The following OSBPL8 variants were observed in gnomAD, a reference collection of about 807,000 sequenced individuals.
OSBPL8 encodes oxysterol binding protein like 8.
OSBPL8 carries 59 observed loss-of-function variants against 125.5 expected under a neutral mutation model. The ratio of observed to expected loss-of-function variants is 0.47; its 90% CI spans 0.38 to 0.58. The LOEUF (loss-of-function observed/expected upper bound fraction) is 0.58, where lower values mean the gene tolerates loss of function less well. Among genes scored for constraint, OSBPL8 ranks in the 20% least tolerant of loss-of-function variants. OSBPL8 has a pLI of 0.00. For synonymous variants in OSBPL8, 330 were observed against 338.9 expected, an observed-to-expected ratio of 0.97 and a Z score of 0.29; for missense variants, 758 against 1,047.8, an observed-to-expected ratio of 0.72 and a Z score of 3.82.
At chr12:76,424,780 C>T (rs1361198341) in intron 4 of OSBPL8, among the ~76,000 whole-genome samples, 2 of 152,040 alleles carry the variant, frequency 1.3e-5, no homozygotes, top group Non-Finnish European at 2.9e-5. Flanking sequence ...AATGAAGATA[C>T]TGAACAAATG....
intron 1 of OSBPL8, among the ~76,000 whole-genome samples, chr12:76,514,841 TG>T (rs1324786058): frequency 6.6e-6 from 1 of 152,216 alleles, no homozygotes; most frequent in Non-Finnish European, 1.5e-5. Flanking sequence ...TCGAAGCTTT[TG>T]TTCATTCCTT....
chr12:76,552,354 A>G (rs1565993256), intron 1 of OSBPL8, among the ~76,000 whole-genome samples: 1 of 139,272 alleles, frequency 7.2e-6, no homozygotes, highest in South Asian at 2.4e-4. Flanking sequence ...TGAGCCCAGG[A>G]GGCGAAGGTT....
At chr12:76,492,820 T>C (rs1878863071) in intron 1 of OSBPL8, among the ~76,000 whole-genome samples, 1 of 152,094 alleles carries the variant, frequency 6.6e-6, no homozygotes, top group Non-Finnish European at 1.5e-5. Context: ...TAAGTGTAAA[T>C]GAGCTTGAAT....
intron 1 of OSBPL8, among the ~76,000 whole-genome samples, chr12:76,533,143 A>G (rs1187257956): frequency 6.6e-6 from 1 of 152,218 alleles, no homozygotes; most frequent in Non-Finnish European, 1.5e-5. Flanking sequence ...AACATTTTAA[A>G]ACACCATATA....
intron 1 of OSBPL8, among the ~76,000 whole-genome samples, chr12:76,506,576 T>C (rs1356474405): frequency 6.6e-6 from 1 of 152,156 alleles, no homozygotes; most frequent in East Asian, 1.9e-4. Context: ...TATATATCTA[T>C]GTAAAAAGAG....
intron 5 of OSBPL8, among the ~76,000 whole-genome samples, chr12:76,405,116 A>G (rs7131842): frequency 0.01 from 1,591 of 152,256 alleles, 36 homozygotes; most frequent in African/African-American, 0.037. Context: ...CTTACCTTTT[A>G]AAACTGTTCA....
chr12:76,477,344 A>G lies in OSBPL8; in HGVS notation c.42+10166T>C, dbSNP rs1398213427. 5.3e-5 allele frequency among the ~76,000 whole-genome samples: 8 copies of G among 152,308 alleles called. No individual in the cohort carries two copies. The East Asian group carries it at 1.5e-3, about 29-fold the overall frequency. ...TACTAACCACCTCAGCCAGGTGATCACAGTCAACAGCAAAAATAAGTTATG... is the reference window on the plus strand; with the variant it reads ...TACTAACCACCTCAGCCAGGTGATCGCAGTCAACAGCAAAAATAAGTTATG... On this transcript the variant is annotated intron_variant, in intron 2 of 23. Transcript: ENST00000261183.
chr12:76,355,243 A>C lies in OSBPL8; in HGVS notation c.*646T>G, dbSNP rs939090289. ...ATATTTACCTGCATCTACAAATATT[A>C]AATTCTAGGGGTTAAAAAAAACTTA... On this transcript the variant is annotated 3_prime_UTR_variant, in exon 24 of 24. Transcript: ENST00000261183. 18 of 152,512 alleles carry C rather than the reference A, an allele frequency of 1.2e-4. No individual in the cohort carries two copies. The highest frequency in any genetic ancestry group is 4.1e-4 in the African/African-American group (17 of 41,444). 9.4% of individuals were successfully genotyped at this position (152,512 alleles called of 1,614,324 possible).
intron 9 of OSBPL8, 115 bp from the exon 10 acceptor site, chr12:76,392,867 T>A: frequency 1.9e-6 from 2 of 1,037,304 alleles, no homozygotes; most frequent in Non-Finnish European, 2.7e-6. Context: ...GAAAAGTTAA[T>A]CTGAACATAA....
chr12:76,427,774 T>G (rs1870321046), intron 4 of OSBPL8, among the ~76,000 whole-genome samples: 1 of 152,070 alleles, frequency 6.6e-6, no homozygotes, highest in Admixed American at 6.6e-5. Flanking sequence ...ATGTGAGGTA[T>G]TTATGTTAGA....
At chr12:76,505,445 A>G (rs1880314812) in intron 1 of OSBPL8, among the ~76,000 whole-genome samples, 1 of 152,198 alleles carries the variant, frequency 6.6e-6, no homozygotes, top group Admixed American at 6.5e-5. Flanking sequence ...TACCTGTAGT[A>G]ATTTATTTTC....
chr12:76,432,258 A>C (rs1870923217), intron 4 of OSBPL8, among the ~76,000 whole-genome samples: 1 of 152,214 alleles, frequency 6.6e-6, no homozygotes, highest in Non-Finnish European at 1.5e-5. Context: ...CAGTACAAAA[A>C]GAGAAGTTCA....
At chr12:76,471,253 C>T (rs1876103495) in intron 2 of OSBPL8, among the ~76,000 whole-genome samples, 1 of 152,134 alleles carries the variant, frequency 6.6e-6, no homozygotes, top group Non-Finnish European at 1.5e-5. Flanking sequence ...AGCCTCTGTA[C>T]ACCTCCACTT....
chr12:76,379,283 T>C (rs376238328), intron 15 of OSBPL8, among the ~76,000 whole-genome samples: 16 of 152,176 alleles, frequency 1.1e-4, no homozygotes, highest in East Asian at 3.8e-4. Context: ...ATAAAAAATA[T>C]ATATAAAGCA....
At chr12:76,487,446 T>C (rs926710133) in intron 2 of OSBPL8, 64 bp downstream of exon 2, 4 of 1,381,914 alleles carry the variant, frequency 2.9e-6, no homozygotes, top group African/African-American at 3.0e-5. Flanking sequence ...AACAAAACCC[T>C]AGCTTACATC....
chr12:76,496,819 G>A (rs2063026929), intron 1 of OSBPL8, among the ~76,000 whole-genome samples: 1 of 152,142 alleles, frequency 6.6e-6, no homozygotes, highest in Non-Finnish European at 1.5e-5. Context: ...TAGGATTACA[G>A]GTGTGAGCCA....
chr12:76,394,738 C>T lies in OSBPL8; in HGVS notation c.673-9G>A, dbSNP rs1001442684. 1 of 1,571,148 alleles carries T rather than the reference C, an allele frequency of 6.4e-7. No homozygotes were observed. The highest frequency in any genetic ancestry group is 8.7e-7 in the Non-Finnish European group (1 of 1,146,592). On this transcript the variant is annotated splice_polypyrimidine_tract_variant and intron_variant, in intron 8 of 23. Transcript: ENST00000261183. ...GCTTCACCTTTTGGACCCTTAATAACAAAATAAACAAAATAAATGGTATAG... is the reference window on the plus strand; with the variant it reads ...GCTTCACCTTTTGGACCCTTAATAATAAAATAAACAAAATAAATGGTATAG...
intron 1 of OSBPL8, among the ~76,000 whole-genome samples, chr12:76,521,554 C>T (rs1370080924): frequency 6.6e-6 from 1 of 152,222 alleles, no homozygotes. Flanking sequence ...AACAACCCAT[C>T]AACAAATGAA....
Position 76,450,901 on chromosome 12 carries a change from G to T in OSBPL8, c.167C>A (p.Thr56Asn). Residue 56 changes from threonine to asparagine, a missense_variant, in exon 4 of 24, where the codon ACC (threonine) becomes AAC (asparagine). Physicochemically the swap from Thr to Asn is moderately conservative, Grantham distance 65 (BLOSUM62 0). Coordinates refer to ENST00000261183, the MANE Select transcript of OSBPL8 (RefSeq NM_020841.5). ...AAGAGATGGCTGATGCAAATCTTTG[G>T]TTGGCGTTGGATAAGCTTCTTTTCC... ...RQGKEAYPTP[T>N]KDLHQPSLSP... 1 of 1,613,956 alleles carries T rather than the reference G, an allele frequency of 6.2e-7. No individual in the cohort carries two copies. The highest frequency in any genetic ancestry group is 8.5e-7 in the Non-Finnish European group (1 of 1,179,946).
Sources: allele counts gnomAD v4.1 joint callset (sites outside exome capture counted in the v4.1 genomes callset), GRCh38; gene constraint gnomAD v4.1.1; transcripts MANE v1.5; gene names NCBI Gene and HGNC (gene_info 2026-07-23, HGNC 2026-07-21).